The following RAPGEF4 variants were observed in gnomAD, a reference collection of about 807,000 sequenced individuals.
RAPGEF4 encodes RAP guanine-nucleotide-exchange factor (GEF) 4.
A neutral mutation model predicts 147.9 loss-of-function variants in RAPGEF4; 66 were observed. The observed-to-expected ratio is 0.45, with a 90% confidence interval of 0.37 to 0.55. The LOEUF (loss-of-function observed/expected upper bound fraction) is 0.55, where lower values mean the gene tolerates loss of function less well. Among genes scored for constraint, RAPGEF4 ranks in the 20% least tolerant of loss-of-function variants. RAPGEF4 has a pLI of 0.00. For missense variants in RAPGEF4, 1,071 were observed against 1,257.3 expected (o/e 0.85, Z 2.24); for synonymous variants, 419 against 442.7 (o/e 0.95, Z 0.67).
At chr2:172,814,487 T>TG in intron 4 of RAPGEF4, 62 bp downstream of exon 4, 1 of 1,539,316 alleles carries the variant, frequency 6.5e-7, no homozygotes. Flanking sequence ...AGCTGCCACA[T>TG]GGATAATGGC....
intron 4 of RAPGEF4, among the ~76,000 whole-genome samples, chr2:172,817,773 A>G (rs1027479032): frequency 6.6e-6 from 1 of 151,902 alleles, no homozygotes; most frequent in Non-Finnish European, 1.5e-5. Context: ...TTATACAAAA[A>G]AGATACTTGC....
chr2:172,761,905 C>T (rs999338040), intron 1 of RAPGEF4, among the ~76,000 whole-genome samples: 10 of 151,882 alleles, frequency 6.6e-5, no homozygotes, highest in African/African-American at 1.5e-4. Context: ...AGGTGGATCA[C>T]GAGGTCAGGA....
chr2:172,983,420 C>T, intron 10 of RAPGEF4, 76 bp from the exon 11 acceptor site: 1 of 1,547,164 alleles, frequency 6.5e-7, no homozygotes, highest in South Asian at 1.3e-5. Flanking sequence ...GTTACTGATG[C>T]CTGGATCCGT....
At chr2:172,909,377 T>C (rs1575203860) in intron 4 of RAPGEF4, among the ~76,000 whole-genome samples, 3 of 152,360 alleles carry the variant, frequency 2.0e-5, no homozygotes, top group African/African-American at 7.2e-5. Context: ...GATTTATCTC[T>C]GCTAACTCTC....
chr2:172,765,408 A>G (rs149025574), intron 1 of RAPGEF4, among the ~76,000 whole-genome samples: 1 of 152,256 alleles, frequency 6.6e-6, no homozygotes, highest in African/African-American at 2.4e-5. Context: ...TACCTGTTCC[A>G]TTTTCCTAAA....
At chr2:173,027,903 T>A (rs939984546) in intron 25 of RAPGEF4, among the ~76,000 whole-genome samples, 1 of 152,218 alleles carries the variant, frequency 6.6e-6, no homozygotes, top group African/African-American at 2.4e-5. Context: ...TTTACTTCCA[T>A]GTTTTTGGTA....
intron 4 of RAPGEF4, among the ~76,000 whole-genome samples, chr2:172,889,433 C>T (rs537366153): frequency 5.1e-4 from 77 of 152,140 alleles, no homozygotes; most frequent in Non-Finnish European, 6.6e-4. Flanking sequence ...AATTTACGAA[C>T]GGTTGCTAGA....
At chr2:172,908,932 T>A (rs1699857955) in intron 4 of RAPGEF4, among the ~76,000 whole-genome samples, 1 of 152,172 alleles carries the variant, frequency 6.6e-6, no homozygotes, top group South Asian at 2.1e-4. Context: ...CCCTTGAAAG[T>A]CCTTGAGGTT....
At chr2:172,858,635 CAG>C (rs1693703298) in intron 4 of RAPGEF4, among the ~76,000 whole-genome samples, 4 of 152,212 alleles carry the variant, frequency 2.6e-5, no homozygotes, top group Admixed American at 2.6e-4. Context: ...GGAAGCTATG[CAG>C]AGTTTTAAGC....
rs976218311 is a variant in RAPGEF4 at position 173,025,639 on chromosome 2, C to G, written c.2254-933C>G. 2.0e-5 allele frequency among the ~76,000 whole-genome samples: 3 copies of G among 152,252 alleles called. No homozygotes were observed. The East Asian group carries it at 5.8e-4, about 29-fold the overall frequency. On this transcript the variant is annotated intron_variant, in intron 23 of 30. Coordinates refer to ENST00000397081, the MANE Select transcript of RAPGEF4 (RefSeq NM_007023.4). ...TGTATTTTCAGTAGAGACAGGGTTTCGCCATGTTGGCCAGGCTTGTCTTGA... is the reference window on the plus strand; with the variant it reads ...TGTATTTTCAGTAGAGACAGGGTTTGGCCATGTTGGCCAGGCTTGTCTTGA...
Position 172,988,828 on chromosome 2 carries a change from C to A in RAPGEF4, c.1363C>A (p.Arg455=), listed in dbSNP as rs751012627. 2.4e-5 allele frequency: 38 copies of A among 1,613,624 alleles called. No individual in the cohort carries two copies. Among genetic ancestry groups the A allele is most frequent in the Non-Finnish European group, 3.1e-5 (37 of 1,179,924 alleles). The change falls in exon 14 of 31, where the codon CGG becomes AGG. Residue 455 remains arginine, a synonymous_variant. Coordinates refer to ENST00000397081, the MANE Select transcript of RAPGEF4 (RefSeq NM_007023.4). ...FLRVDKEDFN[R]ILRDVEANTV... ...AAGAGTAGACAAGGAGGATTTCAAC[C>A]GGATCCTAAGGGTGAGTCCAAAGCA...
chr2:172,865,264 C>T (rs1179512690), intron 4 of RAPGEF4, among the ~76,000 whole-genome samples: 6 of 152,310 alleles, frequency 3.9e-5, no homozygotes, highest in Admixed American at 1.3e-4. Context: ...TCCTCAAATC[C>T]TTGACCAAAC....
At position 173,030,236 on chromosome 2, in the gene RAPGEF4, C is replaced by T. The variant is rs376248993; in HGVS notation, c.2631C>T (p.Arg877=). The change falls in exon 26 of 31, where the codon CGC becomes CGT. Residue 877 remains arginine (R), a synonymous_variant. Coordinates refer to ENST00000397081, the MANE Select transcript of RAPGEF4 (RefSeq NM_007023.4). ...GACTAAGTAACGTTGCTGTGAGCCGCTTGGCACTAACGTGGGAGGTAAGCT... is the reference window on the plus strand; with the variant it reads ...GACTAAGTAACGTTGCTGTGAGCCGTTTGGCACTAACGTGGGAGGTAAGCT... ...VMGLSNVAVS[R]LALTWEKLPS... 1.9e-6 allele frequency: 3 copies of T among 1,613,000 alleles called. No individual in the cohort carries two copies. In the African/African-American group the frequency reaches 4.0e-5, roughly 22 times the overall value.
chr2:172,746,560 T>C (rs1342343824), intron 1 of RAPGEF4, among the ~76,000 whole-genome samples: 2 of 152,194 alleles, frequency 1.3e-5, no homozygotes, highest in African/African-American at 4.8e-5. Context: ...ATAAAATTGA[T>C]TGTACAATGT....
At chr2:172,815,062 C>A (rs1389333125) in intron 4 of RAPGEF4, among the ~76,000 whole-genome samples, 1 of 152,166 alleles carries the variant, frequency 6.6e-6, no homozygotes, top group Non-Finnish European at 1.5e-5. Flanking sequence ...GCAGTCATGG[C>A]AAATAGAGCA....
In RAPGEF4 at chr2:172,795,026, C is replaced by G; in HGVS notation, c.67C>G (p.Pro23Ala). 1 of 1,613,818 alleles carries G rather than the reference C, an allele frequency of 6.2e-7. No individual in the cohort carries two copies. Among genetic ancestry groups the G allele is most frequent in the Non-Finnish European group, 8.5e-7 (1 of 1,179,834 alleles). The change falls in exon 2 of 31, where the codon CCA (proline) becomes GCA (alanine). Residue 23 changes from proline to alanine, a missense_variant and splice_region_variant. Transcript: ENST00000397081. ...AEWIACLDKR[P>A]LERSSEDVDI... is the part of the protein sequence containing the mutation. Reference sequence around the variant, plus strand: ...TTTGTGCCTTTTCTCCCTATACAGACCACTGGAGCGATCCAGCGAAGATGT... The same window carrying G: ...TTTGTGCCTTTTCTCCCTATACAGAGCACTGGAGCGATCCAGCGAAGATGT...
chr2:172,850,589 G>T (rs1213063085), intron 4 of RAPGEF4, among the ~76,000 whole-genome samples: 1 of 151,736 alleles, frequency 6.6e-6, no homozygotes, highest in Admixed American at 6.6e-5. Context: ...CTGCACTCCA[G>T]CCTGGGCCAC....
rs576738468 is a variant in RAPGEF4, at chr2:173,002,660, G to A, written c.1658+1316G>A. 9.7e-4 allele frequency among the ~76,000 whole-genome samples: 138 copies of A among 141,870 alleles called. 1 individual carries two copies. The highest frequency in any genetic ancestry group is 3.5e-3 in the African/African-American group (137 of 38,788). 93.1% of individuals were successfully genotyped at this position (141,870 alleles called of 152,430 possible). A position where few individuals can be genotyped will look rare whatever the true frequency, so the allele number is the denominator to read the frequency against. ...TTAGGAATTCAGTGAATGTTGGCAT[G>A]TTTTCCTCATTCAAGATTATAATTA... On this transcript the variant is annotated intron_variant, in intron 17 of 30. Coordinates refer to ENST00000397081, the MANE Select transcript of RAPGEF4 (RefSeq NM_007023.4).
chr2:172,817,915 A>G (rs1348706746), intron 4 of RAPGEF4, among the ~76,000 whole-genome samples: 1 of 147,542 alleles, frequency 6.8e-6, no homozygotes, highest in East Asian at 1.9e-4. Context: ...ATATATATAT[A>G]TAATATACAT....
Sources: gnomAD v4.1 joint callset for allele counts (sites outside exome capture counted in the v4.1 genomes callset) on GRCh38, gnomAD v4.1.1 for gene constraint, MANE v1.5 for transcripts, NCBI Gene and HGNC (gene_info 2026-07-23, HGNC 2026-07-21) for gene names.